Variants in ACYP2 observed in about 807,000 individuals in gnomAD.
The protein encoded by ACYP2 is acylphosphatase-2.
Under a neutral mutation model 11.2 loss-of-function variants are expected in ACYP2, and 12 were observed. The ratio of observed to expected loss-of-function variants is 1.08; its 90% CI spans 0.69 to 1.74. The LOEUF (loss-of-function observed/expected upper bound fraction) is 1.74, where lower values mean the gene tolerates loss of function less well. ACYP2 is among the 40% of genes most tolerant of loss of function. ACYP2 has a pLI of 0.00. For synonymous variants in ACYP2, 43 were observed against 32.2 expected, an observed-to-expected ratio of 1.33 and a Z score of -1.13; for missense variants, 134 against 101.9, an observed-to-expected ratio of 1.31 and a Z score of -1.35.
chr2:54,168,503 G>A (rs1683098692), intron 6 of ACYP2, among the ~76,000 whole-genome samples: 1 of 151,754 alleles, frequency 6.6e-6, no homozygotes, highest in Admixed American at 6.6e-5. Flanking sequence ...TCCAATAAAG[G>A]AAAAAAGCCA....
At chr2:54,227,580 C>T (rs926220756) in intron 6 of ACYP2, among the ~76,000 whole-genome samples, 6 of 151,680 alleles carry the variant, frequency 4.0e-5, no homozygotes, top group African/African-American at 4.8e-5. Flanking sequence ...GCCGAGACTG[C>T]GCCACTGCAC....
At chr2:54,192,617 T>TA (rs914217626) in intron 6 of ACYP2, among the ~76,000 whole-genome samples, 12 of 152,272 alleles carry the variant, frequency 7.9e-5, no homozygotes, top group African/African-American at 2.9e-4. Flanking sequence ...CTGTTATATT[T>TA]AAAAAAAGAG....
At chr2:54,001,073 G>A (rs544358572) in intron 2 of ACYP2, among the ~76,000 whole-genome samples, 1 of 152,268 alleles carries the variant, frequency 6.6e-6, no homozygotes, top group South Asian at 2.1e-4. Context: ...TTGATTCCTT[G>A]GCTTAGTGTG....
chr2:54,076,286 T>C (rs1572700011), intron 4 of ACYP2, among the ~76,000 whole-genome samples: 2 of 152,234 alleles, frequency 1.3e-5, no homozygotes, highest in Non-Finnish European at 2.9e-5. Flanking sequence ...CAAACTTATC[T>C]GCATTGTATT....
At chr2:54,297,602 G>A (rs1689571582) in intron 6 of ACYP2, among the ~76,000 whole-genome samples, 1 of 152,066 alleles carries the variant, frequency 6.6e-6, no homozygotes, top group Non-Finnish European at 1.5e-5. Flanking sequence ...AAAATACATG[G>A]AGTGGTTTAC....
At chr2:54,113,021 T>C (rs1244199786) in intron 4 of ACYP2, among the ~76,000 whole-genome samples, 3 of 152,162 alleles carry the variant, frequency 2.0e-5, no homozygotes, top group African/African-American at 4.8e-5. Flanking sequence ...TAGTTGTCCG[T>C]TGTTATCTGC....
chr2:54,219,905 ATT>A (rs1169547989), intron 6 of ACYP2, among the ~76,000 whole-genome samples: 1,318 of 75,792 alleles, frequency 0.017, 12 homozygotes, highest in Non-Finnish European at 0.023. Context: ...ATATATATAT[ATT>A]TTTTTTTTTT....
intron 4 of ACYP2, among the ~76,000 whole-genome samples, chr2:54,129,257 T>G (rs1267248456): frequency 1.3e-5 from 2 of 152,202 alleles, no homozygotes; most frequent in Non-Finnish European, 2.9e-5. Flanking sequence ...TTTCAGGATT[T>G]TAATCATTAG....
At chr2:54,029,024 G>C (rs1210305233) in intron 2 of ACYP2, among the ~76,000 whole-genome samples, 3 of 152,090 alleles carry the variant, frequency 2.0e-5, no homozygotes, top group Non-Finnish European at 2.9e-5. Flanking sequence ...AATTAGCCAG[G>C]TATGGTGGTG....
chr2:54,052,264 A>G (rs938078699), intron 3 of ACYP2, among the ~76,000 whole-genome samples: 1 of 152,074 alleles, frequency 6.6e-6, no homozygotes, highest in Non-Finnish European at 1.5e-5. Flanking sequence ...TCTGTGTAAG[A>G]TTTATTTTTA....
chr2:54,027,834 TTTC>T (rs1400344726), intron 2 of ACYP2, among the ~76,000 whole-genome samples: 4 of 126,460 alleles, frequency 3.2e-5, no homozygotes, highest in Non-Finnish European at 4.8e-5. Context: ...TCTTTCTTTC[TTTC>T]TTTTTTTTTT....
At chr2:53,990,526 G>A (rs921258606) in intron 2 of ACYP2, among the ~76,000 whole-genome samples, 1 of 151,072 alleles carries the variant, frequency 6.6e-6, no homozygotes, top group Non-Finnish European at 1.5e-5. Context: ...GCGGCCACCT[G>A]TAATCCCAGC....
intron 4 of ACYP2, among the ~76,000 whole-genome samples, chr2:54,115,057 G>T (rs1442163484): frequency 1.3e-5 from 2 of 152,000 alleles, no homozygotes; most frequent in Non-Finnish European, 2.9e-5. Flanking sequence ...TGGAAATGGG[G>T]AGATATTGGT....
In ACYP2 at chr2:54,077,236, G is replaced by T. The variant is rs141121532; in HGVS notation, c.277+19876G>T. ...CCTAGACTCATCTAAGCTAACCTAA[G>T]AATTCAAATGACTTGCCTAAGTTCT... On this transcript the variant is annotated intron_variant, in intron 4 of 6. Coordinates refer to ENST00000607452, the MANE Select transcript of ACYP2 (RefSeq NM_001320586.2). 3.1e-3 allele frequency among the ~76,000 whole-genome samples: 479 copies of T among 152,264 alleles called. 7 individuals carry two copies. Among genetic ancestry groups the T allele is most frequent in the East Asian group, 7.3e-3 (38 of 5,182 alleles).
At chr2:54,139,599 G>T (rs1416431523) in intron 6 of ACYP2, among the ~76,000 whole-genome samples, 2 of 152,188 alleles carry the variant, frequency 1.3e-5, no homozygotes, top group East Asian at 1.9e-4. Context: ...TACCTTGTAT[G>T]AATTATCTCA....
intron 4 of ACYP2, among the ~76,000 whole-genome samples, chr2:54,117,301 T>G (rs1679866384): frequency 6.6e-6 from 1 of 152,184 alleles, no homozygotes; most frequent in South Asian, 2.1e-4. Context: ...TTTAATTTTA[T>G]TTTTTTAAGA....
intron 4 of ACYP2, among the ~76,000 whole-genome samples, chr2:54,129,839 C>T (rs1433009022): frequency 6.8e-6 from 1 of 147,808 alleles, no homozygotes; most frequent in Non-Finnish European, 1.5e-5. Flanking sequence ...TCACAATATA[C>T]ATTAACAATA....
At chr2:53,989,495 T>TA (rs1672185245) in intron 2 of ACYP2, among the ~76,000 whole-genome samples, 1 of 152,156 alleles carries the variant, frequency 6.6e-6, no homozygotes, top group East Asian at 1.9e-4. Context: ...TTAGGGTACT[T>TA]ATCATAATGG....
Position 54,240,311 on chromosome 2 carries a change from T to C in ACYP2, c.405-64377T>C, listed in dbSNP as rs576581333. On this transcript the variant is annotated intron_variant, in intron 6 of 6. Coordinates refer to ENST00000607452, the MANE Select transcript of ACYP2 (RefSeq NM_001320586.2). ...TGAATAAACTAGTTATATCAGCTTA[T>C]TACTTTAGAGTAGAAAACAGACCTC... Among the ~76,000 whole-genome samples, 10 of 152,278 alleles carry C rather than the reference T, an allele frequency of 6.6e-5. No homozygotes were observed. The South Asian group carries it at 2.1e-3, about 32-fold the overall frequency.
Sources: allele counts gnomAD v4.1 joint callset (sites outside exome capture counted in the v4.1 genomes callset), GRCh38; gene constraint gnomAD v4.1.1; transcripts MANE v1.5; gene names NCBI Gene and HGNC (gene_info 2026-07-23, HGNC 2026-07-21).